Variants in PRKD3 observed in about 807,000 individuals in gnomAD.
The protein encoded by PRKD3 is serine/threonine-protein kinase D3.
Under a neutral mutation model 99.2 loss-of-function variants are expected in PRKD3, and 47 were observed. The observed-to-expected ratio is 0.47, with a 90% CI of 0.38 to 0.60. The LOEUF (loss-of-function observed/expected upper bound fraction) is 0.60, where lower values mean the gene tolerates loss of function less well. Among genes scored for constraint, PRKD3 ranks in the 20% least tolerant of loss-of-function variants. The pLI is 0.00. For missense variants in PRKD3, 1,019 were observed against 1,088.4 expected, an observed-to-expected ratio of 0.94 and a Z score of 0.90; for synonymous variants, 392 against 355.4, an observed-to-expected ratio of 1.10 and a Z score of -1.16.
At chr2:37,287,643 AT>A (rs1172283509) in intron 5 of PRKD3, among the ~76,000 whole-genome samples, 3 of 152,116 alleles carry the variant, frequency 2.0e-5, no homozygotes, top group African/African-American at 7.2e-5. Context: ...GAGTATTTGG[AT>A]TATGTTTTAT....
intron 7 of PRKD3, among the ~76,000 whole-genome samples, chr2:37,280,525 C>T (rs1182717663): frequency 6.6e-6 from 1 of 151,858 alleles, no homozygotes; most frequent in African/African-American, 2.4e-5. Context: ...ATTCAACGGG[C>T]AAAAAATAGT....
intron 1 of PRKD3, among the ~76,000 whole-genome samples, chr2:37,322,487 C>T (rs968438191): frequency 6.6e-6 from 1 of 152,218 alleles, no homozygotes; most frequent in African/African-American, 2.4e-5. Flanking sequence ...ACCATATCTG[C>T]TCTGCTCAGG....
In PRKD3 at chr2:37,316,383, G is replaced by T; in HGVS notation, c.142C>A (p.Pro48Thr). Residue 48 changes from proline (P) to threonine (T), a missense_variant, in exon 2 of 19, where the codon CCA becomes ACA. By Grantham distance (38) the Pro-to-Thr change is conservative. This residue lies in a region of PRKD3 where 710 missense variants were observed against 692.7 expected (regional missense o/e 1.02). Coordinates refer to ENST00000234179, the MANE Select transcript of PRKD3 (RefSeq NM_005813.6). The stretch of plus-strand genomic sequence containing the variant: ...GAGCCTCTGGAGTTGGTGAGTGATG[G>T]TGCACTGAAGCTTCCATTAGAGAGT... ...ARLSNGSFSA[P>T]SLTNSRGSVH... is the part of the protein sequence containing the mutation. 1.2e-6 allele frequency: 2 copies of T among 1,614,224 alleles called. No individual in the cohort carries two copies. Among genetic ancestry groups the T allele is most frequent in the South Asian group, 1.1e-5 (1 of 91,078 alleles).
chr2:37,295,054 G>A (rs948133211), intron 2 of PRKD3, among the ~76,000 whole-genome samples: 1 of 152,132 alleles, frequency 6.6e-6, no homozygotes, highest in Non-Finnish European at 1.5e-5. Flanking sequence ...CAGTCTGGGT[G>A]ACTGACAGAA....
At chr2:37,284,322 A>G (rs1180830858) in intron 6 of PRKD3, among the ~76,000 whole-genome samples, 1 of 152,244 alleles carries the variant, frequency 6.6e-6, no homozygotes, top group African/African-American at 2.4e-5. Context: ...CATTTTCTGA[A>G]CCAATATAAG....
At chr2:37,289,643 C>A (rs1385260986) in intron 4 of PRKD3, 130 bp from the exon 5 acceptor site, 3 of 720,464 alleles carry the variant, frequency 4.2e-6, no homozygotes, top group Non-Finnish European at 4.3e-6. Context: ...AATTAAGAAC[C>A]CAGACAGCAG....
chr2:37,293,733 C>T (rs894314223), intron 2 of PRKD3, among the ~76,000 whole-genome samples: 6 of 152,222 alleles, frequency 3.9e-5, no homozygotes, highest in African/African-American at 1.2e-4. Flanking sequence ...GACACCATGT[C>T]ACCTGCCTGC....
intron 2 of PRKD3, among the ~76,000 whole-genome samples, chr2:37,306,726 T>C (rs1388021241): frequency 6.6e-6 from 1 of 152,142 alleles, no homozygotes; most frequent in Non-Finnish European, 1.5e-5. Flanking sequence ...GGAGGATCAA[T>C]TGAGCCCAGG....
chr2:37,261,673 G>A (rs1454433140), intron 14 of PRKD3, among the ~76,000 whole-genome samples: 10 of 152,238 alleles, frequency 6.6e-5, no homozygotes, highest in East Asian at 5.8e-4. Context: ...CCAGCTACTC[G>A]GGAGGCTGAG....
chr2:37,322,763 C>CAT lies in PRKD3; in HGVS notation c.-656+1916_-656+1917dup, dbSNP rs140120722. 5.2e-3 allele frequency among the ~76,000 whole-genome samples: 781 copies of CAT among 151,532 alleles called. 9 individuals carry two copies. The highest frequency in any genetic ancestry group is 0.017 in the African/African-American group (682 of 41,320). On this transcript the variant is annotated intron_variant, in intron 1 of 18. Coordinates refer to ENST00000234179, the MANE Select transcript of PRKD3 (RefSeq NM_005813.6). The stretch of plus-strand genomic sequence containing the variant: ...CCTGAGAGGGCTACTCAAAGAGATA[C>CAT]ATATATATATATAGCAAGTTCGATC...
At chr2:37,322,009 T>G (rs1671904819) in intron 1 of PRKD3, among the ~76,000 whole-genome samples, 1 of 152,188 alleles carries the variant, frequency 6.6e-6, no homozygotes, top group African/African-American at 2.4e-5. Flanking sequence ...TATTATAACA[T>G]GAATTCCTCC....
intron 8 of PRKD3, chr2:37,279,388 G>A (rs1572654348): frequency 6.3e-6 from 1 of 159,132 alleles, no homozygotes; most frequent in East Asian, 1.8e-4. Context: ...ACCAGTTAAA[G>A]CTGCCTGTGT....
intron 7 of PRKD3, among the ~76,000 whole-genome samples, chr2:37,281,965 A>G (rs903931959): frequency 3.9e-5 from 6 of 152,206 alleles, no homozygotes; most frequent in African/African-American, 1.2e-4. Context: ...GAAAATGGAC[A>G]ACGATTATTT....
At chr2:37,267,076 G>A (rs552408346) in intron 14 of PRKD3, among the ~76,000 whole-genome samples, 1 of 152,126 alleles carries the variant, frequency 6.6e-6, no homozygotes, top group Admixed American at 6.5e-5. Flanking sequence ...CTGTTAAAAG[G>A]TACATAATTT....
Position 37,316,452 on chromosome 2 carries a change from C to T in PRKD3, c.73G>A (p.Ala25Thr), listed in dbSNP as rs759767264. The change falls in exon 2 of 19, where the codon GCT becomes ACT. Residue 25 changes from alanine (A) to threonine (T), a missense_variant. Coordinates refer to ENST00000234179, the MANE Select transcript of PRKD3 (RefSeq NM_005813.6). ...TTAGGACTTGAACACGGAGAAGCAGCTGGAAGCACAGCAGGAATAGCTGTG... is the reference window on the plus strand; with the variant it reads ...TTAGGACTTGAACACGGAGAAGCAGTTGGAAGCACAGCAGGAATAGCTGTG... Reference protein sequence around the residue: ...LPTAIPAVLPAASPCSSPKTG... With the variant: ...LPTAIPAVLPTASPCSSPKTG... 2 of 1,614,206 alleles carry T rather than the reference C, an allele frequency of 1.2e-6. No homozygotes were observed. Among genetic ancestry groups the T allele is most frequent in the South Asian group, 2.2e-5 (2 of 91,084 alleles).
intron 2 of PRKD3, among the ~76,000 whole-genome samples, chr2:37,295,312 G>A (rs1670628150): frequency 6.6e-6 from 1 of 151,646 alleles, no homozygotes; most frequent in Non-Finnish European, 1.5e-5. Flanking sequence ...GAAGGAGGAG[G>A]AATAAAAAAT....
chr2:37,282,323 G>A (rs1669891498), intron 7 of PRKD3: 1 of 524,656 alleles, frequency 1.9e-6, no homozygotes, highest in Non-Finnish European at 3.4e-6. Context: ...GGCTATATTA[G>A]ACTACAAAGT....
intron 14 of PRKD3, among the ~76,000 whole-genome samples, chr2:37,261,854 C>G (rs1206909578): frequency 7.9e-5 from 12 of 151,986 alleles, no homozygotes; most frequent in Non-Finnish European, 1.5e-4. Context: ...TAGAATGGTA[C>G]AAAAGTGGTA....
intron 14 of PRKD3, among the ~76,000 whole-genome samples, chr2:37,264,451 T>C (rs1314217213): frequency 7.2e-6 from 1 of 138,898 alleles, no homozygotes; most frequent in Non-Finnish European, 1.5e-5. Flanking sequence ...GGAAATAAAA[T>C]AGTAAATTAC....
Sources: allele counts gnomAD v4.1 joint callset (sites outside exome capture counted in the v4.1 genomes callset), GRCh38; gene constraint gnomAD v4.1.1; regional missense constraint gnomAD v4.1.1; transcripts MANE v1.5; gene names NCBI Gene and HGNC (gene_info 2026-07-23, HGNC 2026-07-21).